The following EEF1AKMT2 variants were observed in gnomAD, a reference collection of about 807,000 sequenced individuals.
EEF1AKMT2 encodes the protein EEF1A lysine methyltransferase 2.
Under a neutral mutation model 35.8 loss-of-function variants are expected in EEF1AKMT2, and 32 were observed. The observed-to-expected ratio is 0.89, with a 90% confidence interval of 0.67 to 1.20. The LOEUF is 1.20. EEF1AKMT2 is among the 50% of genes most tolerant of loss of function. The pLI, the probability that EEF1AKMT2 is intolerant of heterozygous loss-of-function variation, is 0.00. For missense variants in EEF1AKMT2, 330 were observed against 347.5 expected (o/e 0.95, Z 0.40); for synonymous variants, 121 against 133.7 (o/e 0.91, Z 0.65).
At chr10:124,761,732 G>A (rs188513850) in intron 6 of EEF1AKMT2, among the ~76,000 whole-genome samples, 44 of 152,062 alleles carry the variant, frequency 2.9e-4, no homozygotes, top group Middle Eastern at 6.8e-3. Flanking sequence ...AAGACCAGCC[G>A]GGGCAACATG....
In EEF1AKMT2 at chr10:124,760,166, C is replaced by T. The variant is rs951324822; in HGVS notation, c.*337G>A. ...AGCAGTTATAGGAAATTTTTTTAAT[C>T]GAAAAGAAAACTATTTACATTTCAA... On this transcript the variant is annotated 3_prime_UTR_variant, in exon 7 of 7. Coordinates refer to ENST00000368836, the MANE Select transcript of EEF1AKMT2 (RefSeq NM_212554.4). 1.3e-5 allele frequency: 5 copies of T among 397,576 alleles called. No individual in the cohort carries two copies. The highest frequency in any genetic ancestry group is 4.2e-5 in the Admixed American group (1 of 23,666). The allele number at this position is 397,576 out of a possible 1,614,324, so 24.6% of individuals were successfully genotyped here.
At chr10:124,781,039 G>A (rs1485477365) in intron 3 of EEF1AKMT2, among the ~76,000 whole-genome samples, 1 of 151,646 alleles carries the variant, frequency 6.6e-6, no homozygotes, top group Admixed American at 6.6e-5. Flanking sequence ...CCCGCCTCCC[G>A]GGTTCAAGCT....
At chr10:124,789,514 T>A (rs1313015196) in intron 2 of EEF1AKMT2, among the ~76,000 whole-genome samples, 2 of 152,092 alleles carry the variant, frequency 1.3e-5, no homozygotes, top group Admixed American at 1.3e-4. Context: ...TCCCAACACT[T>A]TGGAAGGCCA....
chr10:124,763,990 A>G lies in EEF1AKMT2; in HGVS notation c.616+1402T>C, dbSNP rs558134390. On this transcript the variant is annotated intron_variant, in intron 5 of 6. Coordinates refer to ENST00000368836, the MANE Select transcript of EEF1AKMT2 (RefSeq NM_212554.4). ...GCAATAGTAATGAAGCCATAAGCTCATATTTCAAGCCTCAAACACTTCAGG... is the reference window on the plus strand; with the variant it reads ...GCAATAGTAATGAAGCCATAAGCTCGTATTTCAAGCCTCAAACACTTCAGG... Among the ~76,000 whole-genome samples, 272 of 152,310 alleles carry G rather than the reference A, an allele frequency of 1.8e-3. 2 individuals are homozygous for G. Among genetic ancestry groups the G allele is most frequent in the Non-Finnish European group, 1.3e-4 (9 of 68,008 alleles).
chr10:124,775,973 A>C (rs1371352233), intron 3 of EEF1AKMT2, among the ~76,000 whole-genome samples: 3 of 151,078 alleles, frequency 2.0e-5, no homozygotes, highest in African/African-American at 4.9e-5. Context: ...GCTGCAATGC[A>C]GTGGCACGAT....
At chr10:124,787,363 G>A (rs550347015) in intron 3 of EEF1AKMT2, among the ~76,000 whole-genome samples, 1 of 146,188 alleles carries the variant, frequency 6.8e-6, no homozygotes, top group South Asian at 2.3e-4. Context: ...AACCCAGGTG[G>A]TGAAGGTTGC....
chr10:124,765,098 TCG>T, intron 5 of EEF1AKMT2, among the ~76,000 whole-genome samples: 1 of 152,330 alleles, frequency 6.6e-6, no homozygotes, highest in East Asian at 1.9e-4. Flanking sequence ...ACACAGGGTT[TCG>T]CCACATTGCC....
Position 124,783,697 on chromosome 10 carries a change from T to C in EEF1AKMT2, c.291+5346A>G, listed in dbSNP as rs570116685. On this transcript the variant is annotated intron_variant, in intron 3 of 6. Transcript: ENST00000368836. Reference sequence around the variant, plus strand: ...TCTCACTCTGTCACCCAGGCTGGAGTGCGGTGGCATAATCATGGCTCACTG... The same window carrying C: ...TCTCACTCTGTCACCCAGGCTGGAGCGCGGTGGCATAATCATGGCTCACTG... Among the ~76,000 whole-genome samples, 5 of 152,274 alleles carry C rather than the reference T, an allele frequency of 3.3e-5. No individual in the cohort carries two copies. The East Asian group carries it at 7.7e-4, about 24-fold the overall frequency.
chr10:124,762,344 G>A lies in EEF1AKMT2; in HGVS notation c.831C>T (p.Pro277=), dbSNP rs1292109192. ...TGGCATGGTATAATCCCAGCACTTT[G>A]GGAGGCCAGGTGGGAGAATCACTTG... The part of the protein sequence containing the change: ...LGSSDSPTWP[P]KVLGLYHARP... The change falls in exon 6 of 7, where the codon CCC becomes CCT. Residue 277 remains proline, a synonymous_variant. Coordinates refer to ENST00000368836, the MANE Select transcript of EEF1AKMT2 (RefSeq NM_212554.4). 2 of 1,244,866 alleles carry A rather than the reference G, an allele frequency of 1.6e-6. No individual in the cohort carries two copies. Among genetic ancestry groups the A allele is most frequent in the Admixed American group, 4.8e-5 (2 of 42,042 alleles). The allele number at this position is 1,244,866 out of a possible 1,614,324, so 77.1% of individuals were successfully genotyped here. A position where few individuals can be genotyped will look rare whatever the true frequency, so the allele number is the denominator to read the frequency against.
rs1350870805 is a variant in EEF1AKMT2 at position 124,783,202 on chromosome 10, GC to G, written c.291+5840del. ...GTCTCCCAGGCTGGAGTGCAGTGGG[GC>G]CATCTCGGCTCACTGCAACCTCCAC... On this transcript the variant is annotated intron_variant, in intron 3 of 6. Transcript: ENST00000368836. 4.9e-5 allele frequency among the ~76,000 whole-genome samples: 7 copies of G among 143,990 alleles called. No homozygotes were observed. The South Asian group carries it at 9.2e-4, about 19-fold the overall frequency. The allele number at this position is 143,990 out of a possible 152,430, so 94.5% of individuals were successfully genotyped here.
chr10:124,779,554 G>A (rs1950518679), intron 3 of EEF1AKMT2, among the ~76,000 whole-genome samples: 1 of 151,238 alleles, frequency 6.6e-6, no homozygotes, highest in South Asian at 2.1e-4. Context: ...AGACCATCCT[G>A]GCTAACACAG....
rs951379257 is a variant in EEF1AKMT2, at chr10:124,760,249, G to C, written c.*254C>G. The C allele has an allele frequency of 4.5e-6, 2 of 444,672 alleles. No individual in the cohort carries two copies. The highest frequency in any genetic ancestry group is 3.8e-5 in the Admixed American group (1 of 26,062). 27.5% of individuals were successfully genotyped at this position (444,672 alleles called of 1,614,324 possible). On this transcript the variant is annotated 3_prime_UTR_variant, in exon 7 of 7. Transcript: ENST00000368836. ...ATCTCTAAAACCCAACCACTTAGAT[G>C]CTCATTATTATTATTTTCTTTCACC...
chr10:124,775,239 ATG>A (rs1214981840), intron 3 of EEF1AKMT2, among the ~76,000 whole-genome samples: 5 of 152,188 alleles, frequency 3.3e-5, no homozygotes, highest in African/African-American at 1.2e-4. Context: ...TCCACCAGCC[ATG>A]TGATTTTTAA....
intron 3 of EEF1AKMT2, among the ~76,000 whole-genome samples, chr10:124,779,383 T>C (rs182333681): frequency 0.013 from 2,047 of 152,142 alleles, 49 homozygotes; most frequent in African/African-American, 0.045. Context: ...ACCTTCCACC[T>C]TGGCCTCCCA....
chr10:124,774,976 C>G (rs560570630), intron 3 of EEF1AKMT2, 194 bp from the exon 4 acceptor site: 1 of 241,480 alleles, frequency 4.1e-6, no homozygotes, highest in African/African-American at 2.2e-5. Context: ...ATGACAATAC[C>G]TTTGTTTTCA....
At chr10:124,763,755 A>G (rs933961202) in intron 5 of EEF1AKMT2, among the ~76,000 whole-genome samples, 2 of 152,194 alleles carry the variant, frequency 1.3e-5, no homozygotes, top group Admixed American at 1.3e-4. Context: ...AGTAAAAAAG[A>G]ACACCTGTAT....
intron 3 of EEF1AKMT2, among the ~76,000 whole-genome samples, chr10:124,781,232 C>T (rs966890507): frequency 6.6e-6 from 1 of 151,958 alleles, no homozygotes; most frequent in Non-Finnish European, 1.5e-5. Context: ...GCGTGAGCCA[C>T]CGTGCCCAGC....
chr10:124,758,715 T>C lies in EEF1AKMT2; in HGVS notation c.*1788A>G, dbSNP rs1447675459. 6 of 152,034 alleles carry C rather than the reference T, an allele frequency of 3.9e-5. No homozygotes were observed. The highest frequency in any genetic ancestry group is 8.8e-5 in the Non-Finnish European group (6 of 67,998). The allele number at this position is 152,034 out of a possible 1,614,324, so 9.4% of individuals were successfully genotyped here. On this transcript the variant is annotated 3_prime_UTR_variant, in exon 7 of 7. Transcript: ENST00000368836. ...ACTCAAAATTCTAAGAGTACTTATC[T>C]ATGTTATATTTGAAATCAAAGAATA...
intron 3 of EEF1AKMT2, among the ~76,000 whole-genome samples, chr10:124,780,847 A>T (rs1398425908): frequency 2.0e-5 from 3 of 152,222 alleles, no homozygotes; most frequent in Admixed American, 6.5e-5. Flanking sequence ...AAAGAAAAAA[A>T]ATCTTAAAAG....
Sources: allele counts gnomAD v4.1 joint callset (sites outside exome capture counted in the v4.1 genomes callset), GRCh38; gene constraint gnomAD v4.1.1; transcripts MANE v1.5; gene names NCBI Gene and HGNC (gene_info 2026-07-23, HGNC 2026-07-21).